Variants in RAPGEF6 observed in about 807,000 individuals in gnomAD.
RAPGEF6 encodes the protein PDZ domain containing guanine nucleotide exchange factor (GEF) 2.
RAPGEF6 carries 56 observed loss-of-function variants against 171.4 expected under a neutral mutation model. That is an observed-to-expected ratio of 0.33 (90% CI 0.26 to 0.41). The LOEUF is 0.41. Among genes scored for constraint, RAPGEF6 ranks in the 10% least tolerant of loss-of-function variants. The pLI is 1.00. For synonymous variants in RAPGEF6, 692 were observed against 650.1 expected (o/e 1.06, Z -0.98); for missense variants, 1,674 against 1,921.4 (o/e 0.87, Z 2.41).
At chr5:131,634,271 C>T (rs1450447142) in intron 1 of RAPGEF6, among the ~76,000 whole-genome samples, 2 of 151,248 alleles carry the variant, frequency 1.3e-5, no homozygotes, top group Non-Finnish European at 2.9e-5. Flanking sequence ...AGCATTCTAC[C>T]GGGATAAGCA....
intron 6 of RAPGEF6, among the ~76,000 whole-genome samples, chr5:131,535,191 G>A (rs949912738): frequency 6.6e-6 from 1 of 152,022 alleles, no homozygotes; most frequent in Admixed American, 6.6e-5. Context: ...TTCGATTCCA[G>A]GGAACTGTAT....
At chr5:131,580,143 G>C (rs1324757315) in intron 4 of RAPGEF6, among the ~76,000 whole-genome samples, 2 of 152,198 alleles carry the variant, frequency 1.3e-5, no homozygotes. Context: ...GGGGGGGCTC[G>C]GGCATGGCGG....
intron 4 of RAPGEF6, among the ~76,000 whole-genome samples, chr5:131,587,922 T>G (rs1222325488): frequency 6.6e-6 from 1 of 151,934 alleles, no homozygotes; most frequent in Admixed American, 6.6e-5. Flanking sequence ...GCTCCCTCAG[T>G]CTGTTTAGAG....
At chr5:131,583,011 T>C (rs992345027) in intron 4 of RAPGEF6, among the ~76,000 whole-genome samples, 3 of 152,234 alleles carry the variant, frequency 2.0e-5, no homozygotes, top group Admixed American at 6.5e-5. Context: ...TGCAGAGAGA[T>C]GAAAGTATAT....
At position 131,426,806 on chromosome 5, in the gene RAPGEF6, C is replaced by T. The variant is rs1351460791; in HGVS notation, c.*460G>A. The stretch of plus-strand genomic sequence containing the variant: ...CAAGAGCTCTCAAATACAAACAAAA[C>T]CACAACAATTCAAATAATAAGTTAT... On this transcript the variant is annotated 3_prime_UTR_variant, in exon 28 of 28. Transcript: ENST00000509018. 6 of 181,572 alleles carry T rather than the reference C, an allele frequency of 3.3e-5. No homozygotes were observed. The highest frequency in any genetic ancestry group is 5.7e-5 in the Non-Finnish European group (5 of 87,786). 11.2% of individuals were successfully genotyped at this position (181,572 alleles called of 1,614,324 possible).
At chr5:131,593,736 G>A (rs1245769038) in intron 3 of RAPGEF6, among the ~76,000 whole-genome samples, 1 of 152,208 alleles carries the variant, frequency 6.6e-6, no homozygotes, top group Non-Finnish European at 1.5e-5. Flanking sequence ...ACAGATCTAT[G>A]GAACTTAGAA....
Position 131,611,990 on chromosome 5 carries a change from T to C in RAPGEF6, c.70-7297A>G, listed in dbSNP as rs190388507. Among the ~76,000 whole-genome samples, 725 of 152,220 alleles carry C rather than the reference T, an allele frequency of 4.8e-3. 5 individuals carry two copies. The highest frequency in any genetic ancestry group is 0.017 in the African/African-American group (688 of 41,538). Reference sequence around the variant, plus strand: ...TCGACAAGATTTCCTGACTTTACAATGATGCAAAAGCGATATGCATTCAGT... The same window carrying C: ...TCGACAAGATTTCCTGACTTTACAACGATGCAAAAGCGATATGCATTCAGT... On this transcript the variant is annotated intron_variant, in intron 1 of 27. Transcript: ENST00000509018.
intron 6 of RAPGEF6, among the ~76,000 whole-genome samples, chr5:131,531,501 A>AT (rs1170089215): frequency 2.6e-5 from 4 of 152,164 alleles, no homozygotes; most frequent in Non-Finnish European, 5.9e-5. Context: ...TAAAAATGAC[A>AT]AGTATGATAG....
In RAPGEF6 at chr5:131,431,265, G is replaced by A. The variant is rs199867150; in HGVS notation, c.4059C>T (p.Ile1353=). The A allele has an allele frequency of 5.0e-6, 8 of 1,614,096 alleles. No homozygotes were observed. The highest frequency in any genetic ancestry group is 5.9e-6 in the Non-Finnish European group (7 of 1,180,046). ...GACCACTGTCAGCTGCTTCTATAAT[G>A]ATATGCTCTTGAGAAATCTCTTCAT... is the stretch of plus-strand genomic sequence containing the variant. The part of the protein sequence containing the change: ...VSNEEISQEH[I]IIEAADSGRG... Residue 1353 remains isoleucine (I), a synonymous_variant, in exon 26 of 28, where the codon ATC becomes ATT. Coordinates refer to ENST00000509018, the MANE Select transcript of RAPGEF6 (RefSeq NM_016340.6).
chr5:131,430,714 G>C, intron 26 of RAPGEF6, 145 bp downstream of exon 26: 8 of 1,162,558 alleles, frequency 6.9e-6, no homozygotes, highest in Non-Finnish European at 7.7e-6. Flanking sequence ...TGAATTTTTG[G>C]GAAATAACTT....
intron 1 of RAPGEF6, among the ~76,000 whole-genome samples, chr5:131,632,676 G>C (rs1766387041): frequency 6.6e-6 from 1 of 152,184 alleles, no homozygotes; most frequent in Non-Finnish European, 1.5e-5. Context: ...AGCAACTATA[G>C]AGCTAATATA....
In RAPGEF6 at chr5:131,508,264, A is replaced by G; in HGVS notation, c.806-57T>C. 2.7e-6 allele frequency: 4 copies of G among 1,457,068 alleles called. No individual in the cohort carries two copies. In the South Asian group the frequency reaches 5.6e-5, roughly 20 times the overall value. The allele number at this position is 1,457,068 out of a possible 1,614,324, so 90.3% of individuals were successfully genotyped here. On this transcript the variant is annotated intron_variant, in intron 8 of 27. Transcript: ENST00000509018. ...CCATCGAGGACTATACCTTAAAAAT[A>G]CAACGAAATCTAGAATTCAATTCCC...
At chr5:131,500,224 G>A (rs755272868) in intron 11 of RAPGEF6, among the ~76,000 whole-genome samples, 7 of 152,096 alleles carry the variant, frequency 4.6e-5, no homozygotes, top group Non-Finnish European at 1.0e-4. Context: ...AATAAGGTAC[G>A]AAAATCGTTT....
rs1008975669 is a variant in RAPGEF6, at chr5:131,424,306, C to G, written c.*2960G>C. 6.6e-6 allele frequency: 1 copy of G among 152,262 alleles called. No individual in the cohort carries two copies. The highest frequency in any genetic ancestry group is 2.4e-5 in the African/African-American group (1 of 41,424). The allele number at this position is 152,262 out of a possible 1,614,324, so 9.4% of individuals were successfully genotyped here. A position where few individuals can be genotyped will look rare whatever the true frequency, so the allele number is the denominator to read the frequency against. On this transcript the variant is annotated 3_prime_UTR_variant, in exon 28 of 28. Coordinates refer to ENST00000509018, the MANE Select transcript of RAPGEF6 (RefSeq NM_016340.6). Reference sequence around the variant, plus strand: ...ATGCACAACAAAAGTCAAAGATGAACCAGGATTCAAGTTTAAATTTGAACA... The same window carrying G: ...ATGCACAACAAAAGTCAAAGATGAAGCAGGATTCAAGTTTAAATTTGAACA...
chr5:131,535,981 C>A (rs1050202155), intron 6 of RAPGEF6, among the ~76,000 whole-genome samples: 1 of 152,016 alleles, frequency 6.6e-6, no homozygotes, highest in African/African-American at 2.4e-5. Flanking sequence ...TTTATACTAA[C>A]CCAGGCATTT....
intron 7 of RAPGEF6, 78 bp from the exon 8 acceptor site, chr5:131,510,569 C>T: frequency 1.5e-6 from 2 of 1,329,534 alleles, no homozygotes; most frequent in Admixed American, 2.2e-5. Flanking sequence ...ATCAAAACTA[C>T]CCATCCCTAC....
intron 7 of RAPGEF6, among the ~76,000 whole-genome samples, chr5:131,516,804 G>C (rs1251466878): frequency 1.3e-5 from 2 of 152,136 alleles, no homozygotes; most frequent in African/African-American, 4.8e-5. Context: ...AATCTATGCT[G>C]ATTAGAAACA....
At position 131,427,104 on chromosome 5, in the gene RAPGEF6, A is replaced by C; in HGVS notation, c.*162T>G. 1.4e-6 allele frequency: 1 copy of C among 710,300 alleles called. No individual in the cohort carries two copies. The highest frequency in any genetic ancestry group is 1.7e-5 in the South Asian group (1 of 59,686). 44.0% of individuals were successfully genotyped at this position (710,300 alleles called of 1,614,324 possible). A position where few individuals can be genotyped will look rare whatever the true frequency, so the allele number is the denominator to read the frequency against. On this transcript the variant is annotated 3_prime_UTR_variant, in exon 28 of 28. Transcript: ENST00000509018. ...TATCTGCAGAAATTAAATGAAAGGA[A>C]GCATAACTCAGGTCTATTTCATTGC...
chr5:131,493,350 C>G (rs1477310550), intron 13 of RAPGEF6, among the ~76,000 whole-genome samples: 1 of 152,192 alleles, frequency 6.6e-6, no homozygotes, highest in African/African-American at 2.4e-5. Flanking sequence ...AGGCATGAGC[C>G]ACCGCGCCCG....
Sources: gnomAD v4.1 joint callset for allele counts (sites outside exome capture counted in the v4.1 genomes callset) on GRCh38, gnomAD v4.1.1 for gene constraint, MANE v1.5 for transcripts, NCBI Gene and HGNC (gene_info 2026-07-23, HGNC 2026-07-21) for gene names.